The following MNAT1 variants were observed in gnomAD, a reference collection of about 807,000 sequenced individuals.
MNAT1 encodes the protein MNAT1 component of CDK activating kinase.
MNAT1 carries 43 observed loss-of-function variants against 42.0 expected under a neutral mutation model. That is an observed-to-expected ratio of 1.02 (90% CI 0.80 to 1.32). The LOEUF is 1.32. MNAT1 is among the 40% of genes most tolerant of loss of function. The pLI is 0.00. For missense variants in MNAT1, 306 were observed against 350.4 expected, an observed-to-expected ratio of 0.87 and a Z score of 1.01; for synonymous variants, 118 against 120.0, an observed-to-expected ratio of 0.98 and a Z score of 0.11.
intron 1 of MNAT1, among the ~76,000 whole-genome samples, chr14:60,775,112 A>C (rs2031201951): frequency 6.6e-6 from 1 of 152,178 alleles, no homozygotes; most frequent in African/African-American, 2.4e-5. Flanking sequence ...GGTGGTTTAC[A>C]GAGGAGAAGC....
At chr14:60,803,043 T>A (rs1272263029) in intron 3 of MNAT1, among the ~76,000 whole-genome samples, 1 of 151,584 alleles carries the variant, frequency 6.6e-6, no homozygotes. Context: ...AGCAATTATC[T>A]GCCTCAGCCT....
At chr14:60,798,187 G>A in intron 3 of MNAT1, 27 bp downstream of exon 3, 1 of 1,186,046 alleles carries the variant, frequency 8.4e-7, no homozygotes, top group East Asian at 2.3e-5. Flanking sequence ...ATGTATGCTA[G>A]CCTATAAGAC....
intron 7 of MNAT1, among the ~76,000 whole-genome samples, chr14:60,943,045 TGTGTGC>T (rs1170727709): frequency 4.3e-5 from 4 of 93,528 alleles, no homozygotes; most frequent in African/African-American, 1.2e-4. Context: ...TGTGTGTGTG[TGTGTGC>T]GCTTTTTTTT....
At chr14:60,854,117 C>G (rs1436670194) in intron 6 of MNAT1, among the ~76,000 whole-genome samples, 1 of 152,174 alleles carries the variant, frequency 6.6e-6, no homozygotes, top group Admixed American at 6.5e-5. Context: ...GTATGCTTCA[C>G]GAAGTTCTCG....
At chr14:60,847,131 C>T (rs924443451) in intron 6 of MNAT1, among the ~76,000 whole-genome samples, 1 of 152,060 alleles carries the variant, frequency 6.6e-6, no homozygotes, top group Non-Finnish European at 1.5e-5. Flanking sequence ...TTGCCGGGCA[C>T]GGTGGCTCAC....
At chr14:60,823,263 A>G (rs1430905433) in intron 6 of MNAT1, among the ~76,000 whole-genome samples, 1 of 152,146 alleles carries the variant, frequency 6.6e-6, no homozygotes, top group Non-Finnish European at 1.5e-5. Flanking sequence ...CTATCCCTGA[A>G]TTCTGTGAGA....
At chr14:60,743,758 A>G (rs894158059) in intron 1 of MNAT1, among the ~76,000 whole-genome samples, 5 of 152,144 alleles carry the variant, frequency 3.3e-5, no homozygotes, top group Non-Finnish European at 7.4e-5. Flanking sequence ...ATTGTTCTCT[A>G]GTGTTTCTGT....
chr14:60,787,358 T>TA (rs2031683391), intron 1 of MNAT1, among the ~76,000 whole-genome samples: 1 of 152,200 alleles, frequency 6.6e-6, no homozygotes, highest in Admixed American at 6.5e-5. Context: ...AATTAAAATA[T>TA]ACTTTACTGC....
Position 60,932,688 on chromosome 14 carries a change from C to T in MNAT1, c.810-35541C>T, listed in dbSNP as rs184005721. 3.7e-4 allele frequency among the ~76,000 whole-genome samples: 56 copies of T among 151,884 alleles called. 1 individual carries two copies. Among genetic ancestry groups the T allele is most frequent in the Middle Eastern group, 3.4e-3 (1 of 294 alleles). ...TTATTCTGCACTACTGACATTAATT[C>T]CCAATAGTTAAACATAATAGATGAC... On this transcript the variant is annotated intron_variant, in intron 7 of 7. Coordinates refer to ENST00000261245, the MANE Select transcript of MNAT1 (RefSeq NM_002431.4).
intron 7 of MNAT1, among the ~76,000 whole-genome samples, chr14:60,891,213 A>C (rs1372097034): frequency 6.6e-6 from 1 of 151,862 alleles, no homozygotes. Context: ...TTACTAATTT[A>C]AGTCTTCTCT....
rs2036743573 is a variant in MNAT1, at chr14:60,969,523, A to G, written c.*1174A>G. ...CTATCTTTGTTAAATGAGAAAACCA[A>G]GGCATCAAATAATTGAGTAGACAAA... is the stretch of plus-strand genomic sequence containing the variant. On this transcript the variant is annotated 3_prime_UTR_variant, in exon 8 of 8. Transcript: ENST00000261245. The G allele has an allele frequency of 6.6e-6, 1 of 152,176 alleles. No individual in the cohort carries two copies. The highest frequency in any genetic ancestry group is 2.1e-4 in the South Asian group (1 of 4,832). 9.4% of individuals were successfully genotyped at this position (152,176 alleles called of 1,614,324 possible).
intron 7 of MNAT1, among the ~76,000 whole-genome samples, chr14:60,889,609 A>C (rs2034782930): frequency 6.6e-6 from 1 of 152,222 alleles, no homozygotes; most frequent in Non-Finnish European, 1.5e-5. Flanking sequence ...ATGGGATCTA[A>C]TTAAACTAAA....
intron 6 of MNAT1, among the ~76,000 whole-genome samples, chr14:60,820,483 C>G (rs1287460801): frequency 1.3e-5 from 2 of 150,672 alleles, no homozygotes; most frequent in Admixed American, 1.3e-4. Flanking sequence ...AAAATAAGAT[C>G]TGGCTTACAG....
At chr14:60,892,593 T>G (rs1326746720) in intron 7 of MNAT1, among the ~76,000 whole-genome samples, 1 of 152,112 alleles carries the variant, frequency 6.6e-6, no homozygotes, top group South Asian at 2.1e-4. Context: ...TTAAGCCACA[T>G]TTAAAGTTAT....
At chr14:60,923,733 C>T (rs899224239) in intron 7 of MNAT1, among the ~76,000 whole-genome samples, 1 of 152,114 alleles carries the variant, frequency 6.6e-6, no homozygotes, top group Non-Finnish European at 1.5e-5. Context: ...AATCCCAGTA[C>T]TTTGAGAGGC....
intron 1 of MNAT1, among the ~76,000 whole-genome samples, chr14:60,775,990 G>C (rs536952107): frequency 6.6e-6 from 1 of 152,320 alleles, no homozygotes; most frequent in South Asian, 2.1e-4. Flanking sequence ...ACTTCAGTAA[G>C]GTTATGAGAT....
chr14:60,944,689 A>G (rs962589319), intron 7 of MNAT1, among the ~76,000 whole-genome samples: 3 of 152,230 alleles, frequency 2.0e-5, no homozygotes, highest in South Asian at 2.1e-4. Flanking sequence ...ATCAGGAACA[A>G]TATACAAGAA....
At chr14:60,741,193 T>G (rs964948186) in intron 1 of MNAT1, among the ~76,000 whole-genome samples, 1 of 152,190 alleles carries the variant, frequency 6.6e-6, no homozygotes, top group Non-Finnish European at 1.5e-5. Flanking sequence ...TATTTGATAG[T>G]GTGCATTTTT....
At chr14:60,782,070 A>T (rs1472054788) in intron 1 of MNAT1, among the ~76,000 whole-genome samples, 1 of 151,416 alleles carries the variant, frequency 6.6e-6, no homozygotes, top group Non-Finnish European at 1.5e-5. Flanking sequence ...TGGAATGTCA[A>T]TTTTACCTAA....
Sources: allele counts gnomAD v4.1 joint callset (sites outside exome capture counted in the v4.1 genomes callset), GRCh38; gene constraint gnomAD v4.1.1; transcripts MANE v1.5; gene names NCBI Gene and HGNC (gene_info 2026-07-23, HGNC 2026-07-21).